The following GARIN2 variants were observed in gnomAD, a reference collection of about 807,000 sequenced individuals.
GARIN2 encodes the protein Golgi-associated RAB2 interactor protein 2.
the GARIN2 span, among the ~76,000 whole-genome samples, chr14:67,190,823 T>TG: frequency 6.6e-6 from 1 of 152,202 alleles, no homozygotes; most frequent in African/African-American, 2.4e-5. Flanking sequence ...GTAAGAATCT[T>TG]GGGAAAAATC....
At chr14:67,226,723 A>G in the GARIN2 span, among the ~76,000 whole-genome samples, 4 of 152,316 alleles carry the variant, frequency 2.6e-5, no homozygotes, top group Non-Finnish European at 2.9e-5. Flanking sequence ...GTAATGGACC[A>G]GAGGAGAACA....
the GARIN2 span, among the ~76,000 whole-genome samples, chr14:67,207,291 G>T: frequency 2.6e-5 from 4 of 152,062 alleles, no homozygotes; most frequent in African/African-American, 9.7e-5. Context: ...ACTTACAATC[G>T]TGTGGAAGAG....
At chr14:67,193,062 A>ATC in the GARIN2 span, among the ~76,000 whole-genome samples, 34 of 144,148 alleles carry the variant, frequency 2.4e-4, no homozygotes, top group East Asian at 5.7e-3. Flanking sequence ...ATATCTCTAT[A>ATC]TCTATATATA....
chr14:67,205,783 A>G, the GARIN2 span, among the ~76,000 whole-genome samples: 3 of 152,202 alleles, frequency 2.0e-5, no homozygotes, highest in East Asian at 5.8e-4. Context: ...TCTCCTGTGT[A>G]AGGGAATGAA....
chr14:67,225,935 G>GTA, the GARIN2 span, among the ~76,000 whole-genome samples: 1 of 126,624 alleles, frequency 7.9e-6, no homozygotes, highest in Non-Finnish European at 1.6e-5. Flanking sequence ...GAGTGTGTGT[G>GTA]TGTGTGTGTG....
the GARIN2 span, chr14:67,198,956 T>G: frequency 1.4e-6 from 1 of 702,404 alleles, no homozygotes. Flanking sequence ...TACCTCTAAC[T>G]CTTAATACAT....
chr14:67,216,379 G>T, the GARIN2 span, among the ~76,000 whole-genome samples: 6 of 150,864 alleles, frequency 4.0e-5, no homozygotes, highest in East Asian at 1.9e-4. Flanking sequence ...ATATTTTGGG[G>T]TTTTTTTTCA....
At chr14:67,208,083 C>T in the GARIN2 span, 2 of 1,427,240 alleles carry the variant, frequency 1.4e-6, no homozygotes, top group Non-Finnish European at 1.9e-6. Flanking sequence ...CCTTACTACT[C>T]CTCACGGGTG....
At chr14:67,195,255 C>A in the GARIN2 span, among the ~76,000 whole-genome samples, 36 of 152,166 alleles carry the variant, frequency 2.4e-4, no homozygotes, top group African/African-American at 8.2e-4. Context: ...GGAAGAGGGG[C>A]GAGACCCAGT....
chr14:67,200,041 G>A, the GARIN2 span: 1 of 931,582 alleles, frequency 1.1e-6, no homozygotes, highest in Admixed American at 2.7e-5. Flanking sequence ...TGGACACCCA[G>A]GCTCTGGGGG....
At chr14:67,200,016 A>G in the GARIN2 span, 6 of 961,346 alleles carry the variant, frequency 6.2e-6, no homozygotes, top group Non-Finnish European at 7.7e-6. Context: ...CTCATGGTTT[A>G]GGACATCCCC....
chr14:67,224,955 T>A, the GARIN2 span: 2 of 594,226 alleles, frequency 3.4e-6, no homozygotes, highest in African/African-American at 3.9e-5. Context: ...TAAATACATT[T>A]TTGATGAGGT....
the GARIN2 span, among the ~76,000 whole-genome samples, chr14:67,208,734 A>G: frequency 2.6e-5 from 4 of 152,084 alleles, no homozygotes. Flanking sequence ...TGTCTCTACT[A>G]AAAACTACAA....
the GARIN2 span, chr14:67,203,368 A>G: frequency 8.0e-7 from 1 of 1,250,446 alleles, no homozygotes; most frequent in Non-Finnish European, 1.1e-6. Flanking sequence ...AAACGGAAAC[A>G]CTGATGACAA....
chr14:67,199,463 G>A, the GARIN2 span: 1 of 1,612,776 alleles, frequency 6.2e-7, no homozygotes, highest in African/African-American at 1.3e-5. Flanking sequence ...GATTATGTGG[G>A]ACCCTGACAC....
chr14:67,224,014 T>C, the GARIN2 span: 5 of 978,284 alleles, frequency 5.1e-6, no homozygotes, highest in Admixed American at 2.5e-4. Context: ...GTAAAACAAA[T>C]TCCTGGCATT....
At chr14:67,209,007 G>T in the GARIN2 span, among the ~76,000 whole-genome samples, 1 of 151,790 alleles carries the variant, frequency 6.6e-6, no homozygotes, top group Admixed American at 6.6e-5. Flanking sequence ...GATAGGAAAA[G>T]AGTAAGTTAT....
the GARIN2 span, chr14:67,208,323 G>T: frequency 3.1e-6 from 5 of 1,613,820 alleles, no homozygotes; most frequent in South Asian, 3.3e-5. Context: ...GAAGGTAAAA[G>T]ATATTTTCAA....
the GARIN2 span, among the ~76,000 whole-genome samples, chr14:67,200,814 T>C: frequency 7.2e-5 from 11 of 152,328 alleles, 2 homozygotes; most frequent in African/African-American, 2.6e-4. Context: ...TAGTTACCTT[T>C]TGCACACTCT....
Sources: gnomAD v4.1 joint callset for allele counts (sites outside exome capture counted in the v4.1 genomes callset) on GRCh38, gnomAD v4.1.1 for gene constraint, MANE v1.5 for transcripts, NCBI Gene and HGNC (gene_info 2026-07-23, HGNC 2026-07-21) for gene names.